Variants in KATNAL1 observed in about 807,000 individuals in gnomAD.
The protein encoded by KATNAL1 is katanin p60 ATPase-containing subunit A-like 1.
In KATNAL1, 32 loss-of-function variants were observed where a neutral mutation model predicts 55.2. The ratio of observed to expected loss-of-function variants is 0.58; its 90% CI spans 0.44 to 0.78. KATNAL1 has a LOEUF of 0.78. Ranked by LOEUF, KATNAL1 falls within the 30% of genes least tolerant of loss-of-function variation. The pLI is 0.00. For missense variants in KATNAL1, 466 were observed against 600.9 expected (o/e 0.78, Z 2.35); for synonymous variants, 193 against 193.6 (o/e 1.00, Z 0.02).
chr13:30,237,294 T>C (rs1020942434), intron 6 of KATNAL1, among the ~76,000 whole-genome samples: 3 of 152,192 alleles, frequency 2.0e-5, no homozygotes, highest in African/African-American at 4.8e-5. Flanking sequence ...AAAAGTCGAA[T>C]CTGTCAGGAA....
intron 3 of KATNAL1, among the ~76,000 whole-genome samples, chr13:30,278,287 A>C (rs1027115980): frequency 4.6e-5 from 7 of 152,142 alleles, no homozygotes; most frequent in East Asian, 1.9e-4. Context: ...GAAAAAAAAA[A>C]CACACATACA....
At chr13:30,238,575 C>T (rs777554876) in intron 6 of KATNAL1, among the ~76,000 whole-genome samples, 2 of 152,222 alleles carry the variant, frequency 1.3e-5, no homozygotes, top group Non-Finnish European at 2.9e-5. Flanking sequence ...TCCAACATAG[C>T]GAAATCCTCA....
chr13:30,207,453 A>G lies in KATNAL1; in HGVS notation c.*1087T>C, dbSNP rs1873253314. 5 of 152,246 alleles carry G rather than the reference A, an allele frequency of 3.3e-5. No homozygotes were observed. The South Asian group carries it at 1.0e-3, about 32-fold the overall frequency. The allele number at this position is 152,246 out of a possible 1,614,324, so 9.4% of individuals were successfully genotyped here. A position where few individuals can be genotyped will look rare whatever the true frequency, so the allele number is the denominator to read the frequency against. ...AAACTAGCTGTTTGGAAAACAATAA[A>G]GATTTCATTTGTTTTGCGTTAGCCA... On this transcript the variant is annotated 3_prime_UTR_variant, in exon 11 of 11. Transcript: ENST00000380615.
intron 3 of KATNAL1, among the ~76,000 whole-genome samples, chr13:30,269,496 G>A (rs140726045): frequency 0.019 from 2,834 of 150,852 alleles, 31 homozygotes; most frequent in Non-Finnish European, 0.031. Context: ...CCGCCACCCC[G>A]TCTAGGAAGT....
chr13:30,271,898 A>C (rs928245938), intron 3 of KATNAL1, among the ~76,000 whole-genome samples: 18 of 151,524 alleles, frequency 1.2e-4, no homozygotes, highest in Admixed American at 3.3e-4. Context: ...AAAAAAAAAA[A>C]AACAGAGTTG....
intron 3 of KATNAL1, among the ~76,000 whole-genome samples, chr13:30,275,228 G>A (rs1880754368): frequency 6.6e-6 from 1 of 152,160 alleles, no homozygotes. Context: ...TACAACCATG[G>A]CAGAAGGCAA....
At chr13:30,302,785 C>G (rs1415347686) in intron 1 of KATNAL1, among the ~76,000 whole-genome samples, 1 of 152,172 alleles carries the variant, frequency 6.6e-6, no homozygotes, top group African/African-American at 2.4e-5. Flanking sequence ...AGATCTTATT[C>G]ATGTATCATG....
At chr13:30,223,106 CA>C (rs1197685148) in intron 9 of KATNAL1, among the ~76,000 whole-genome samples, 1 of 149,620 alleles carries the variant, frequency 6.7e-6, no homozygotes, top group Non-Finnish European at 1.5e-5. Flanking sequence ...AACAAACAAA[CA>C]AAAAAGAGAT....
chr13:30,210,017 C>T (rs1040751593), intron 10 of KATNAL1, among the ~76,000 whole-genome samples: 1 of 152,056 alleles, frequency 6.6e-6, no homozygotes, highest in Non-Finnish European at 1.5e-5. Flanking sequence ...CTCCTGACCT[C>T]GTGATCCACC....
chr13:30,273,275 T>C (rs1480973449), intron 3 of KATNAL1, among the ~76,000 whole-genome samples: 1 of 152,238 alleles, frequency 6.6e-6, no homozygotes, highest in Non-Finnish European at 1.5e-5. Context: ...ACTTATCATC[T>C]TCTGCTCCTC....
intron 4 of KATNAL1, among the ~76,000 whole-genome samples, chr13:30,244,613 GC>G (rs1367527082): frequency 6.6e-6 from 1 of 152,142 alleles, no homozygotes; most frequent in Non-Finnish European, 1.5e-5. Flanking sequence ...GAATCAAGGA[GC>G]TGGTTTTTTG....
intron 3 of KATNAL1, among the ~76,000 whole-genome samples, chr13:30,266,242 T>C (rs924771871): frequency 2.0e-5 from 3 of 151,916 alleles, no homozygotes; most frequent in Admixed American, 1.3e-4. Flanking sequence ...CCTCAAGTGA[T>C]CCGCCCACCT....
At chr13:30,208,877 A>G (rs75680479) in intron 10 of KATNAL1, 139 bp from the exon 11 acceptor site, 21,374 of 618,974 alleles carry the variant, frequency 0.035, 498 homozygotes, top group African/African-American at 0.082. Context: ...TCCACTTAAG[A>G]AACATCCTGG....
intron 9 of KATNAL1, among the ~76,000 whole-genome samples, chr13:30,218,842 C>A (rs1874572078): frequency 6.6e-6 from 1 of 152,104 alleles, no homozygotes; most frequent in Admixed American, 6.6e-5. Flanking sequence ...CAACCACGAC[C>A]CAAGGCATCA....
At position 30,204,126 on chromosome 13, in the gene KATNAL1, T is replaced by G. The variant is rs188751235; in HGVS notation, c.*4414A>C. On this transcript the variant is annotated 3_prime_UTR_variant, in exon 11 of 11. Transcript: ENST00000380615. Reference sequence around the variant, plus strand: ...TTACGTGCATCACAAATTAAGTGGTTTCTTTAAAATATACAATCAAAACAG... The same window carrying G: ...TTACGTGCATCACAAATTAAGTGGTGTCTTTAAAATATACAATCAAAACAG... The G allele has an allele frequency of 4.6e-5, 7 of 152,292 alleles. No individual in the cohort carries two copies. In the East Asian group the frequency reaches 9.6e-4, roughly 21 times the overall value. 9.4% of individuals were successfully genotyped at this position (152,292 alleles called of 1,614,324 possible). A position where few individuals can be genotyped will look rare whatever the true frequency, so the allele number is the denominator to read the frequency against.
chr13:30,259,995 A>C (rs191518245), intron 3 of KATNAL1, among the ~76,000 whole-genome samples: 243 of 152,368 alleles, frequency 1.6e-3, no homozygotes, highest in Non-Finnish European at 2.8e-3. Context: ...TGAAGAGAGC[A>C]GTGGTTCTCC....
chr13:30,289,685 A>G (rs2137550012), intron 1 of KATNAL1, among the ~76,000 whole-genome samples: 1 of 152,356 alleles, frequency 6.6e-6, no homozygotes, highest in African/African-American at 2.4e-5. Context: ...ATGCTTTAAA[A>G]GTATAACATT....
chr13:30,268,070 A>G (rs1879919727), intron 3 of KATNAL1, among the ~76,000 whole-genome samples: 1 of 152,188 alleles, frequency 6.6e-6, no homozygotes, highest in Non-Finnish European at 1.5e-5. Flanking sequence ...TGCCCCCTAG[A>G]TATAGTAGCA....
intron 3 of KATNAL1, among the ~76,000 whole-genome samples, chr13:30,264,881 C>G (rs1339946700): frequency 7.2e-6 from 1 of 138,164 alleles, no homozygotes; most frequent in East Asian, 2.1e-4. Flanking sequence ...GGGTATATAC[C>G]CAAAGGACTA....
Sources: gnomAD v4.1 joint callset for allele counts (sites outside exome capture counted in the v4.1 genomes callset) on GRCh38, gnomAD v4.1.1 for gene constraint, MANE v1.5 for transcripts, NCBI Gene and HGNC (gene_info 2026-07-23, HGNC 2026-07-21) for gene names.